Variants in PTAR1 observed in about 807,000 individuals in gnomAD.
PTAR1 encodes the protein protein prenyltransferase alpha subunit repeat-containing protein 1.
A neutral mutation model predicts 45.5 loss-of-function variants in PTAR1; 17 were observed. The observed-to-expected ratio is 0.37, with a 90% CI of 0.26 to 0.56. The LOEUF (loss-of-function observed/expected upper bound fraction) is 0.56, where lower values mean the gene tolerates loss of function less well. PTAR1 is among the 20% of genes least tolerant of loss of function. PTAR1 has a pLI of 0.77. For synonymous variants in PTAR1, 169 were observed against 171.3 expected (o/e 0.99, Z 0.11); for missense variants, 391 against 476.3 (o/e 0.82, Z 1.67).
chr9:69,729,997 C>T (rs975646956), intron 5 of PTAR1, among the ~76,000 whole-genome samples: 1 of 152,064 alleles, frequency 6.6e-6, no homozygotes, highest in Non-Finnish European at 1.5e-5. Context: ...AATGCTGGCT[C>T]ATTTCATATA....
In PTAR1 at chr9:69,758,872, AAT is replaced by A. The variant is rs541893093; in HGVS notation, c.86+979_86+980del. Among the ~76,000 whole-genome samples the A allele has an allele frequency of 8.6e-3, 1,298 of 150,426 alleles. 15 individuals are homozygous for A. The highest frequency in any genetic ancestry group is 0.028 in the African/African-American group (1,167 of 41,040). On this transcript the variant is annotated intron_variant, in intron 1 of 7. Coordinates refer to ENST00000340434, the MANE Select transcript of PTAR1 (RefSeq NM_001099666.2). The stretch of plus-strand genomic sequence containing the variant: ...AAAATAATAAACTAAAAAAAAAAAA[AAT>A]AAACTCCAAAAACAACTAGCTAAAA...
intron 4 of PTAR1, 24 bp downstream of exon 4, chr9:69,734,126 T>A (rs768129964): frequency 6.6e-6 from 8 of 1,206,478 alleles, no homozygotes; most frequent in Non-Finnish European, 8.6e-6. Context: ...TAAGTAAGAG[T>A]ACTATGTTGT....
Position 69,759,853 on chromosome 9 carries a change from A to C in PTAR1, c.86T>G (p.Ile29Arg), listed in dbSNP as rs1447985741. ...ITNAFRRNPH[I>R]DEIGLIPCPE... ...GAGGCGGCGGAGGCGCGCGACTCAC[A>C]TGTGTGGGTTCCTCCTGAAGGCGTT... The change falls in exon 1 of 8, where the codon ATA becomes AGA. Residue 29 changes from isoleucine (I) to arginine (R), a missense_variant and splice_region_variant. Physicochemically the swap from Ile to Arg is moderately conservative, Grantham distance 97. This residue lies in a region of PTAR1 where 152 missense variants were observed against 160.0 expected (regional missense o/e 0.95). Transcript: ENST00000340434. The C allele has an allele frequency of 3.9e-6, 6 of 1,521,486 alleles. No homozygotes were observed. The South Asian group carries it at 6.1e-5, about 15-fold the overall frequency. The allele number at this position is 1,521,486 out of a possible 1,614,324, so 94.2% of individuals were successfully genotyped here. A position where few individuals can be genotyped will look rare whatever the true frequency, so the allele number is the denominator to read the frequency against.
Position 69,759,941 on chromosome 9 carries a change from T to G in PTAR1, c.-3A>C. ...ACCTCCTCGCTGGTCTCGGCCATGT[T>G]GGCGGCGGCCGCGACAGTTCGGGCG... On this transcript the variant is annotated 5_prime_UTR_variant, in exon 1 of 8. Transcript: ENST00000340434. The G allele has an allele frequency of 1.3e-6, 2 of 1,499,732 alleles. No homozygotes were observed. The highest frequency in any genetic ancestry group is 1.8e-6 in the Non-Finnish European group (2 of 1,123,530). The allele number at this position is 1,499,732 out of a possible 1,614,324, so 92.9% of individuals were successfully genotyped here. A position where few individuals can be genotyped will look rare whatever the true frequency, so the allele number is the denominator to read the frequency against.
chr9:69,746,627 C>T lies in PTAR1; in HGVS notation c.256+4154G>A, dbSNP rs566748448. ...ACAGGTCTCTCTCCAAACAACAGAA[C>T]ATATACCAGCAAATAAATGTTCCTT... On this transcript the variant is annotated intron_variant, in intron 2 of 7. Coordinates refer to ENST00000340434, the MANE Select transcript of PTAR1 (RefSeq NM_001099666.2). Among the ~76,000 whole-genome samples, 11 of 152,310 alleles carry T rather than the reference C, an allele frequency of 7.2e-5. No homozygotes were observed. The South Asian group carries it at 8.3e-4, about 11-fold the overall frequency.
At chr9:69,758,661 G>C (rs1456067034) in intron 1 of PTAR1, 2 of 397,056 alleles carry the variant, frequency 5.0e-6, no homozygotes, top group Middle Eastern at 3.5e-4. Flanking sequence ...TGCCACAAGG[G>C]AGCAAAACAT....
At chr9:69,741,575 A>G (rs1588471447) in intron 3 of PTAR1, 3 of 541,786 alleles carry the variant, frequency 5.5e-6, no homozygotes. Flanking sequence ...CTGTAACTCA[A>G]CATGACAATT....
intron 1 of PTAR1, among the ~76,000 whole-genome samples, chr9:69,751,770 C>A (rs1342516074): frequency 2.0e-5 from 3 of 151,986 alleles, no homozygotes; most frequent in Non-Finnish European, 4.4e-5. Context: ...AATTAAAAAA[C>A]CACCCAAATA....
intron 3 of PTAR1, among the ~76,000 whole-genome samples, chr9:69,736,896 T>C (rs1485634210): frequency 6.6e-6 from 1 of 152,176 alleles, no homozygotes; most frequent in Admixed American, 6.5e-5. Flanking sequence ...TCAATGTTAA[T>C]ATATGGACAC....
chr9:69,735,697 A>C (rs960108656), intron 3 of PTAR1, among the ~76,000 whole-genome samples: 1 of 152,072 alleles, frequency 6.6e-6, no homozygotes, highest in Admixed American at 6.6e-5. Context: ...AAATCAGATC[A>C]TTTGTTATTA....
chr9:69,732,727 A>G (rs935267649), intron 4 of PTAR1, among the ~76,000 whole-genome samples: 2 of 152,146 alleles, frequency 1.3e-5, no homozygotes, highest in African/African-American at 4.8e-5. Context: ...GATAAATATT[A>G]TAAGGAGTCA....
intron 5 of PTAR1, among the ~76,000 whole-genome samples, chr9:69,726,863 T>C (rs1175080868): frequency 6.6e-6 from 1 of 152,000 alleles, no homozygotes; most frequent in Non-Finnish European, 1.5e-5. Context: ...TAAGTCTCTA[T>C]TTGTCATATG....
chr9:69,743,069 A>G (rs1044462443), intron 2 of PTAR1, among the ~76,000 whole-genome samples: 3 of 152,106 alleles, frequency 2.0e-5, no homozygotes, highest in Admixed American at 2.0e-4. Context: ...TCATGTAATA[A>G]AACAATACAA....
chr9:69,714,927 G>A lies in PTAR1; in HGVS notation c.*3415C>T, dbSNP rs1824670124. ...TGAAAGAGTCACAGTTCAAGTTGCG[G>A]GGAAAAAAGGAGAAGCATAAAATGA... is the stretch of plus-strand genomic sequence containing the variant. On this transcript the variant is annotated 3_prime_UTR_variant, in exon 8 of 8. Transcript: ENST00000340434. The A allele has an allele frequency of 6.6e-6, 1 of 151,836 alleles. No individual in the cohort carries two copies. The highest frequency in any genetic ancestry group is 1.5e-5 in the Non-Finnish European group (1 of 67,968). The allele number at this position is 151,836 out of a possible 1,614,324, so 9.4% of individuals were successfully genotyped here. A position where few individuals can be genotyped will look rare whatever the true frequency, so the allele number is the denominator to read the frequency against.
Position 69,731,954 on chromosome 9 carries a change from T to C in PTAR1, c.642+185A>G, listed in dbSNP as rs978212241. The C allele has an allele frequency of 1.7e-5, 10 of 595,860 alleles. No homozygotes were observed. In the African/African-American group the frequency reaches 1.9e-4, roughly 11 times the overall value. 36.9% of individuals were successfully genotyped at this position (595,860 alleles called of 1,614,324 possible). On this transcript the variant is annotated intron_variant, in intron 5 of 7. Transcript: ENST00000340434. ...GCCTTAAGACTGCCAAAAACAGCAC[T>C]AGTGGGGAATGCAAGCTTTTTATTT...
chr9:69,731,835 T>C lies in PTAR1; in HGVS notation c.642+304A>G. 10 of 359,346 alleles carry C rather than the reference T, an allele frequency of 2.8e-5. No homozygotes were observed. The South Asian group carries it at 3.2e-4, about 12-fold the overall frequency. 22.3% of individuals were successfully genotyped at this position (359,346 alleles called of 1,614,324 possible). On this transcript the variant is annotated intron_variant, in intron 5 of 7. Coordinates refer to ENST00000340434, the MANE Select transcript of PTAR1 (RefSeq NM_001099666.2). ...CCAAGAAATAGCAATTCCAGTTCTA[T>C]AAGGCTTAATAATCCCTTCCTGTTT...
At position 69,712,391 on chromosome 9, in the gene PTAR1, C is replaced by T. The variant is rs1020801920; in HGVS notation, c.*5951G>A. The T allele has an allele frequency of 1.3e-5, 2 of 152,154 alleles. No individual in the cohort carries two copies. Among genetic ancestry groups the T allele is most frequent in the African/African-American group, 4.8e-5 (2 of 41,444 alleles). 9.4% of individuals were successfully genotyped at this position (152,154 alleles called of 1,614,324 possible). ...TAAAGAAAACTGCTTTAAGTAGGAG[C>T]ACTTTTAGCATACACAAAAATAAAA... On this transcript the variant is annotated 3_prime_UTR_variant, in exon 8 of 8. Coordinates refer to ENST00000340434, the MANE Select transcript of PTAR1 (RefSeq NM_001099666.2).
intron 4 of PTAR1, among the ~76,000 whole-genome samples, chr9:69,733,098 T>C (rs111447467): frequency 3.9e-5 from 6 of 152,334 alleles, no homozygotes; most frequent in South Asian, 2.1e-4. Context: ...ACTCACTTTG[T>C]CATTTTAAAA....
At chr9:69,757,822 C>T (rs1349683655) in intron 1 of PTAR1, 4 of 150,786 alleles carry the variant, frequency 2.7e-5, no homozygotes, top group African/African-American at 9.8e-5. Context: ...GGGAAGAAAG[C>T]GCAGGCAATT....
Sources: gnomAD v4.1 joint callset for allele counts (sites outside exome capture counted in the v4.1 genomes callset) on GRCh38, gnomAD v4.1.1 for gene constraint, gnomAD v4.1.1 regional missense constraint, MANE v1.5 for transcripts, NCBI Gene and HGNC (gene_info 2026-07-23, HGNC 2026-07-21) for gene names.